NRCAM: variants seen among roughly 807,000 people sequenced by gnomAD.
The protein encoded by NRCAM is neuronal cell adhesion molecule.
NRCAM carries 83 observed loss-of-function variants against 156.5 expected under a neutral mutation model. The observed-to-expected ratio is 0.53, with a 90% confidence interval of 0.44 to 0.64. The LOEUF (loss-of-function observed/expected upper bound fraction) is 0.64. Among genes scored for constraint, NRCAM ranks in the 30% least tolerant of loss-of-function variants. The probability of loss-of-function intolerance (pLI) is 0.00; values close to 1 mark genes in which losing one functional copy is unlikely to be tolerated. For missense variants in NRCAM, 1,417 were observed against 1,597.3 expected, an observed-to-expected ratio of 0.89 and a Z score of 1.92; for synonymous variants, 538 against 563.9, an observed-to-expected ratio of 0.95 and a Z score of 0.65.
chr7:108,395,103 T>C (rs2099773116), intron 2 of NRCAM, among the ~76,000 whole-genome samples: 1 of 152,170 alleles, frequency 6.6e-6, no homozygotes, highest in Non-Finnish European at 1.5e-5. Flanking sequence ...CAAGGGAAAA[T>C]GAATTCAGCT....
intron 1 of NRCAM, among the ~76,000 whole-genome samples, chr7:108,419,651 C>A (rs1038087364): frequency 1.3e-5 from 2 of 152,322 alleles, no homozygotes; most frequent in South Asian, 4.1e-4. Flanking sequence ...AAAGGCACTT[C>A]TTTTCTCTCA....
At chr7:108,288,455 A>T (rs892754580) in intron 3 of NRCAM, among the ~76,000 whole-genome samples, 1 of 152,152 alleles carries the variant, frequency 6.6e-6, no homozygotes, top group South Asian at 2.1e-4. Flanking sequence ...GAAAATGTAC[A>T]TCAGTGTAGT....
chr7:108,336,672 C>T (rs2099196061), intron 2 of NRCAM, among the ~76,000 whole-genome samples: 1 of 152,124 alleles, frequency 6.6e-6, no homozygotes, highest in South Asian at 2.1e-4. Context: ...TCTACTAAAC[C>T]TAAGCTCTCT....
At chr7:108,270,072 T>G (rs1044203096) in intron 3 of NRCAM, among the ~76,000 whole-genome samples, 1 of 152,244 alleles carries the variant, frequency 6.6e-6, no homozygotes, top group Non-Finnish European at 1.5e-5. Context: ...TATCATGAGC[T>G]TGGAAAATAA....
At chr7:108,277,231 A>T (rs972205533) in intron 3 of NRCAM, among the ~76,000 whole-genome samples, 2 of 151,904 alleles carry the variant, frequency 1.3e-5, no homozygotes, top group African/African-American at 4.8e-5. Context: ...GCTCTTCTCG[A>T]GGTGTATCTT....
chr7:108,443,589 G>A (rs996078300), intron 1 of NRCAM, among the ~76,000 whole-genome samples: 1 of 152,110 alleles, frequency 6.6e-6, no homozygotes, highest in Non-Finnish European at 1.5e-5. Flanking sequence ...CATGTTGAAA[G>A]AAACCTTCTG....
intron 2 of NRCAM, among the ~76,000 whole-genome samples, chr7:108,336,983 A>G (rs1230033716): frequency 6.6e-6 from 1 of 152,162 alleles, no homozygotes; most frequent in African/African-American, 2.4e-5. Context: ...TGGTTAACAC[A>G]GCCTGGCATG....
intron 13 of NRCAM, among the ~76,000 whole-genome samples, chr7:108,201,384 G>A (rs2078042398): frequency 6.6e-6 from 1 of 152,114 alleles, no homozygotes. Flanking sequence ...AATCTCTCTG[G>A]ATGGGTGGCA....
intron 3 of NRCAM, among the ~76,000 whole-genome samples, chr7:108,300,425 A>AT (rs1323699559): frequency 2.6e-5 from 4 of 152,100 alleles, no homozygotes; most frequent in Non-Finnish European, 5.9e-5. Context: ...ATAAACATCT[A>AT]TTTTCTAAAA....
At chr7:108,431,873 AT>A (rs1825692895) in intron 1 of NRCAM, among the ~76,000 whole-genome samples, 1 of 152,230 alleles carries the variant, frequency 6.6e-6, no homozygotes, top group East Asian at 1.9e-4. Flanking sequence ...GTTTTAAAAG[AT>A]TTATTCAGGG....
chr7:108,450,509 T>G (rs7786947), intron 1 of NRCAM, among the ~76,000 whole-genome samples: 1 of 152,030 alleles, frequency 6.6e-6, no homozygotes, highest in African/African-American at 2.4e-5. Context: ...TAATTTACAA[T>G]GCCAGTACAT....
chr7:108,169,069 A>C (rs2056827299), intron 28 of NRCAM, among the ~76,000 whole-genome samples: 1 of 152,188 alleles, frequency 6.6e-6, no homozygotes, highest in South Asian at 2.1e-4. Flanking sequence ...GAATAAATAA[A>C]AGGAGTAAAA....
rs201240389 is a variant in NRCAM at position 108,324,877 on chromosome 7, C to CATTTT, written c.-173-12147_-173-12146insAAAAT. 3.3e-4 allele frequency among the ~76,000 whole-genome samples: 27 copies of CATTTT among 82,686 alleles called. 2 individuals carry two copies. Among genetic ancestry groups the CATTTT allele is most frequent in the Non-Finnish European group, 3.0e-4 (13 of 43,378 alleles). 54.2% of individuals were successfully genotyped at this position (82,686 alleles called of 152,430 possible). ...TGTTTGTGTAATATTTGGCACTGTACTTTTTTTTTTTTTTTTTTTTTTTTT... is the reference window on the plus strand; with the variant it reads ...TGTTTGTGTAATATTTGGCACTGTACATTTTTTTTTTTTTTTTTTTTTTTTTTTTT... On this transcript the variant is annotated intron_variant, in intron 2 of 32. Transcript: ENST00000379028.
chr7:108,257,271 T>G (rs2096721389), intron 3 of NRCAM, among the ~76,000 whole-genome samples: 1 of 152,132 alleles, frequency 6.6e-6, no homozygotes, highest in African/African-American at 2.4e-5. Flanking sequence ...TAGATTGGGA[T>G]GAAGTTTGCT....
intron 3 of NRCAM, among the ~76,000 whole-genome samples, chr7:108,276,695 C>T (rs536697624): frequency 6.6e-6 from 1 of 152,024 alleles, no homozygotes; most frequent in Non-Finnish European, 1.5e-5. Flanking sequence ...ATCTAATTTG[C>T]CAGTCTGTGT....
At chr7:108,151,306 T>C (rs1405037965) in intron 32 of NRCAM, among the ~76,000 whole-genome samples, 1 of 152,120 alleles carries the variant, frequency 6.6e-6, no homozygotes, top group African/African-American at 2.4e-5. Flanking sequence ...ACATATACAT[T>C]TTTACTAATG....
intron 10 of NRCAM, among the ~76,000 whole-genome samples, chr7:108,224,723 T>G (rs564367190): frequency 6.6e-6 from 1 of 152,226 alleles, no homozygotes; most frequent in South Asian, 2.1e-4. Flanking sequence ...AAGAAAAAAT[T>G]CAATGCCAGA....
intron 3 of NRCAM, among the ~76,000 whole-genome samples, chr7:108,281,536 T>C (rs917809482): frequency 2.7e-4 from 41 of 152,204 alleles, no homozygotes; most frequent in Non-Finnish European, 1.5e-5. Flanking sequence ...ATAGGAAATA[T>C]GTGAATTGGA....
At chr7:108,172,594 C>A (rs2058881290) in intron 28 of NRCAM, among the ~76,000 whole-genome samples, 1 of 152,116 alleles carries the variant, frequency 6.6e-6, no homozygotes, top group South Asian at 2.1e-4. Flanking sequence ...CCACACCCAG[C>A]CTCATTTAAA....
Sources: allele counts gnomAD v4.1 joint callset (sites outside exome capture counted in the v4.1 genomes callset), GRCh38; gene constraint gnomAD v4.1.1; transcripts MANE v1.5; gene names NCBI Gene and HGNC (gene_info 2026-07-23, HGNC 2026-07-21).